The following DIS3L2 variants were observed in gnomAD, a reference collection of about 807,000 sequenced individuals.
DIS3L2 encodes the protein DIS3-like exonuclease 2.
Under a neutral mutation model 97.5 loss-of-function variants are expected in DIS3L2, and 34 were observed. That is an observed-to-expected ratio of 0.35 (90% CI 0.27 to 0.46). The LOEUF is 0.46. Among genes scored for constraint, DIS3L2 ranks in the 20% least tolerant of loss-of-function variants. The pLI is 1.00. For missense variants in DIS3L2, 1,038 were observed against 1,146.0 expected, an observed-to-expected ratio of 0.91 and a Z score of 1.36; for synonymous variants, 435 against 445.2, an observed-to-expected ratio of 0.98 and a Z score of 0.29.
intron 5 of DIS3L2, among the ~76,000 whole-genome samples, chr2:232,077,740 C>T (rs1696235337): frequency 6.6e-6 from 1 of 152,158 alleles, no homozygotes; most frequent in African/African-American, 2.4e-5. Context: ...TCAGCTGCCC[C>T]ACCCTTGCAG....
intron 7 of DIS3L2, 137 bp from the exon 8 acceptor site, chr2:232,136,335 T>C (rs1249667788): frequency 1.9e-6 from 2 of 1,055,856 alleles, no homozygotes; most frequent in Non-Finnish European, 2.8e-6. Flanking sequence ...TCACAGATCA[T>C]CACTGAGAGG....
intron 12 of DIS3L2, among the ~76,000 whole-genome samples, chr2:232,257,634 A>G (rs1280095116): frequency 6.6e-6 from 1 of 152,240 alleles, no homozygotes; most frequent in Non-Finnish European, 1.5e-5. Context: ...GTGATTTTGT[A>G]CCTAATTATT....
chr2:232,043,490 T>C (rs1206457411), intron 5 of DIS3L2, among the ~76,000 whole-genome samples: 10 of 152,238 alleles, frequency 6.6e-5, no homozygotes, highest in Non-Finnish European at 1.2e-4. Context: ...AGATTCATTA[T>C]GTGTTGCATT....
At chr2:232,113,986 C>T (rs1338778744) in intron 6 of DIS3L2, among the ~76,000 whole-genome samples, 1 of 152,162 alleles carries the variant, frequency 6.6e-6, no homozygotes, top group Non-Finnish European at 1.5e-5. Context: ...GATCAGCTGG[C>T]ACCACACAGA....
At chr2:232,286,377 A>G (rs1389140687) in intron 13 of DIS3L2, among the ~76,000 whole-genome samples, 1 of 151,332 alleles carries the variant, frequency 6.6e-6, no homozygotes, top group Non-Finnish European at 1.5e-5. Context: ...GAAGCATTGT[A>G]TCTTCCTGCT....
At chr2:232,062,901 A>G (rs955491924) in intron 5 of DIS3L2, among the ~76,000 whole-genome samples, 3 of 151,244 alleles carry the variant, frequency 2.0e-5, no homozygotes, top group African/African-American at 7.3e-5. Flanking sequence ...TCACATGGAT[A>G]TCTCCAATTC....
chr2:232,257,592 T>C (rs1007654367), intron 12 of DIS3L2, among the ~76,000 whole-genome samples: 2 of 152,182 alleles, frequency 1.3e-5, no homozygotes, highest in Non-Finnish European at 2.9e-5. Flanking sequence ...AACAAAATAT[T>C]TTGCATACGG....
At chr2:231,986,296 C>T (rs567053558) in intron 1 of DIS3L2, among the ~76,000 whole-genome samples, 3 of 152,318 alleles carry the variant, frequency 2.0e-5, no homozygotes, top group Non-Finnish European at 2.9e-5. Flanking sequence ...AACTCCCTTT[C>T]ATATATGCAT....
At chr2:232,091,626 A>G (rs1696839435) in intron 6 of DIS3L2, among the ~76,000 whole-genome samples, 2 of 152,146 alleles carry the variant, frequency 1.3e-5, no homozygotes, top group South Asian at 4.1e-4. Flanking sequence ...GGGAGTGCAG[A>G]TATCTCTTTG....
intron 8 of DIS3L2, among the ~76,000 whole-genome samples, chr2:232,153,990 C>G (rs1338259911): frequency 2.1e-5 from 3 of 144,496 alleles, no homozygotes; most frequent in African/African-American, 7.8e-5. Flanking sequence ...TCCAGTTGAT[C>G]GCATCGGCTC....
At chr2:232,336,262 T>C (rs752808345) in intron 20 of DIS3L2, 3 of 1,544,522 alleles carry the variant, frequency 1.9e-6, no homozygotes, top group Non-Finnish European at 2.6e-6. Flanking sequence ...TCATAAGCCT[T>C]GGGAGCGCTC....
At chr2:231,962,863 G>A (rs1692607400) in intron 1 of DIS3L2, among the ~76,000 whole-genome samples, 1 of 152,106 alleles carries the variant, frequency 6.6e-6, no homozygotes, top group African/African-American at 2.4e-5. Flanking sequence ...GTGCTAATTC[G>A]TTTAGGATTA....
intron 10 of DIS3L2, 137 bp downstream of exon 10, chr2:232,210,542 C>T (rs544261408): frequency 1.4e-6 from 1 of 719,432 alleles, no homozygotes; most frequent in East Asian, 2.7e-5. Context: ...TGCCATAGGC[C>T]TCTGAGCCTT....
intron 1 of DIS3L2, among the ~76,000 whole-genome samples, chr2:231,981,633 T>TG (rs1693263582): frequency 2.1e-5 from 3 of 140,562 alleles, no homozygotes; most frequent in South Asian, 4.3e-4. Flanking sequence ...TATATATATA[T>TG]ATATGAGACA....
At chr2:232,004,940 G>A (rs1408003479) in intron 1 of DIS3L2, among the ~76,000 whole-genome samples, 2 of 152,090 alleles carry the variant, frequency 1.3e-5, no homozygotes, top group Non-Finnish European at 2.9e-5. Flanking sequence ...AATCTCTTCA[G>A]TCATTTCAAG....
At chr2:232,030,253 C>T (rs1310793590) in intron 5 of DIS3L2, among the ~76,000 whole-genome samples, 173 bp downstream of exon 5, 1 of 152,134 alleles carries the variant, frequency 6.6e-6, no homozygotes, top group African/African-American at 2.4e-5. Flanking sequence ...GAAGCATCTG[C>T]TGGGCAGATT....
intron 10 of DIS3L2, among the ~76,000 whole-genome samples, chr2:232,232,371 A>G (rs1011646442): frequency 1.3e-5 from 2 of 152,190 alleles, no homozygotes; most frequent in East Asian, 1.9e-4. Context: ...TGTCTTCACT[A>G]TGGAAAATCA....
chr2:232,264,649 C>T lies in DIS3L2; in HGVS notation c.1659+1209C>T, dbSNP rs1056332532. ...AGGAGCGTGGAACTGTTCACCAGAC[C>T]GCCTCATGCAGACTTCTTTCCCTGA... On this transcript the variant is annotated intron_variant, in intron 13 of 20. Coordinates refer to ENST00000325385, the MANE Select transcript of DIS3L2 (RefSeq NM_152383.5). 4.6e-5 allele frequency among the ~76,000 whole-genome samples: 7 copies of T among 152,162 alleles called. No homozygotes were observed. In the South Asian group the frequency reaches 1.2e-3, roughly 27 times the overall value.
rs10682281 is a variant in DIS3L2 at position 232,128,451 on chromosome 2, A to ATTTTTTTTTT, written c.602-2149_602-2140dup. Among the ~76,000 whole-genome samples, 7 of 71,694 alleles carry ATTTTTTTTTT rather than the reference A, an allele frequency of 9.8e-5. 2 individuals carry two copies. The highest frequency in any genetic ancestry group is 1.1e-3 in the East Asian group (2 of 1,880). The allele number at this position is 71,694 out of a possible 152,430, so 47.0% of individuals were successfully genotyped here. A position where few individuals can be genotyped will look rare whatever the true frequency, so the allele number is the denominator to read the frequency against. On this transcript the variant is annotated intron_variant, in intron 6 of 20. Transcript: ENST00000325385. ...TCTCATTAAATTGACAACTTTGCTA[A>ATTTTTTTTTT]TTTTTTTTTTTTTTTTTTTTTTTTT...
Sources: allele counts gnomAD v4.1 joint callset (sites outside exome capture counted in the v4.1 genomes callset), GRCh38; gene constraint gnomAD v4.1.1; transcripts MANE v1.5; gene names NCBI Gene and HGNC (gene_info 2026-07-23, HGNC 2026-07-21).